LIMCH1: variants seen among roughly 807,000 people sequenced by gnomAD.
The protein encoded by LIMCH1 is LIM and calponin homology domains 1.
A neutral mutation model predicts 176.5 loss-of-function variants in LIMCH1; 113 were observed. That is an observed-to-expected ratio of 0.64 (90% CI 0.55 to 0.75). The LOEUF (loss-of-function observed/expected upper bound fraction) is 0.75. LIMCH1 is among the 30% of genes least tolerant of loss of function. LIMCH1 has a pLI of 0.00. For synonymous variants in LIMCH1, 619 were observed against 645.9 expected, an observed-to-expected ratio of 0.96 and a Z score of 0.63; for missense variants, 1,674 against 1,814.9, an observed-to-expected ratio of 0.92 and a Z score of 1.41.
intron 31 of LIMCH1, among the ~76,000 whole-genome samples, chr4:41,693,684 C>G (rs1728167249): frequency 6.6e-6 from 1 of 151,822 alleles, no homozygotes; most frequent in South Asian, 2.1e-4. Context: ...CTTTTATATG[C>G]TAACAAGGAA....
chr4:41,414,564 G>C (rs916766446), intron 1 of LIMCH1, among the ~76,000 whole-genome samples: 1 of 152,146 alleles, frequency 6.6e-6, no homozygotes, highest in Non-Finnish European at 1.5e-5. Context: ...CCGGGCGATT[G>C]ACATTTTTGT....
In LIMCH1 at chr4:41,477,910, A is replaced by G. The variant is rs956616604; in HGVS notation, c.97-16626A>G. Reference sequence around the variant, plus strand: ...TATACCATGAAGTAGGCATGTGGGGATCACAGCTACCACCTTAATGGTGGA... The same window carrying G: ...TATACCATGAAGTAGGCATGTGGGGGTCACAGCTACCACCTTAATGGTGGA... On this transcript the variant is annotated intron_variant, in intron 1 of 26. Coordinates refer to the LIMCH1 transcript ENST00000313860. Among the ~76,000 whole-genome samples, 3 of 152,228 alleles carry G rather than the reference A, an allele frequency of 2.0e-5. No individual in the cohort carries two copies. The East Asian group carries it at 5.8e-4, about 29-fold the overall frequency.
At chr4:41,687,785 G>T in intron 28 of LIMCH1, 55 bp from the exon 29 acceptor site, 4 of 1,040,236 alleles carry the variant, frequency 3.8e-6, no homozygotes, top group South Asian at 1.5e-5. Context: ...TTTTTTTAAT[G>T]GAGTTTGGCT....
At chr4:41,411,118 C>T (rs150698049) in intron 1 of LIMCH1, among the ~76,000 whole-genome samples, 50 of 152,340 alleles carry the variant, frequency 3.3e-4, no homozygotes, top group Admixed American at 9.1e-4. Flanking sequence ...TGTGTATTTT[C>T]ACCTAGAATG....
chr4:41,418,760 ACT>A (rs2060166479), intron 1 of LIMCH1: 1 of 151,920 alleles, frequency 6.6e-6, no homozygotes, highest in Non-Finnish European at 1.5e-5. Context: ...TGACCATGAA[ACT>A]CTGTTAACTC....
intron 4 of LIMCH1, chr4:41,612,547 C>T (rs1428197333): frequency 1.4e-6 from 1 of 702,522 alleles, no homozygotes; most frequent in Non-Finnish European, 2.6e-6. Context: ...TCAGCCTGGA[C>T]TATTGTAATT....
intron 1 of LIMCH1, among the ~76,000 whole-genome samples, chr4:41,432,488 A>G (rs762988913): frequency 1.3e-5 from 2 of 152,196 alleles, no homozygotes; most frequent in East Asian, 3.8e-4. Context: ...AGAAGCTAGA[A>G]AAACAAATAG....
At chr4:41,491,963 C>T (rs1296562883) in intron 1 of LIMCH1, among the ~76,000 whole-genome samples, 12 of 152,062 alleles carry the variant, frequency 7.9e-5, no homozygotes, top group East Asian at 3.9e-4. Context: ...AGACGATGGG[C>T]GGCCAGGCAG....
chr4:41,592,515 A>G (rs1377878833), intron 1 of LIMCH1, among the ~76,000 whole-genome samples: 1 of 152,046 alleles, frequency 6.6e-6, no homozygotes, highest in African/African-American at 2.4e-5. Flanking sequence ...ATACCTACAC[A>G]GTGTGCCTGT....
upstream of LIMCH1, among the ~76,000 whole-genome samples, chr4:41,359,974 T>C (rs2051788563): frequency 6.6e-6 from 1 of 151,978 alleles, no homozygotes; most frequent in South Asian, 2.1e-4. Flanking sequence ...ACAATGTAGA[T>C]ACCTCGAGGG....
chr4:41,547,141 G>A lies in LIMCH1; in HGVS notation c.-241+8791G>A, dbSNP rs1381321634. Among the ~76,000 whole-genome samples, 3 of 152,150 alleles carry A rather than the reference G, an allele frequency of 2.0e-5. No homozygotes were observed. The East Asian group carries it at 5.8e-4, about 29-fold the overall frequency. On this transcript the variant is annotated intron_variant, in intron 1 of 31. Transcript: ENST00000503057. ...CAGGCTAATTAACTGTCAGCTTGCT[G>A]ACTTATTTCTTTGTGGTGAGAACAT...
rs370816448 is a variant in LIMCH1 at position 41,501,616 on chromosome 4, G to A, written c.167+7010G>A. On this transcript the variant is annotated intron_variant, in intron 2 of 26. Transcript: ENST00000313860. ...TATGAAATATTTCAGTTTTTTTGGT[G>A]GGGTCATTCTAGAGAAGGGACAGGC... Among the ~76,000 whole-genome samples, 44 of 152,044 alleles carry A rather than the reference G, an allele frequency of 2.9e-4. No individual in the cohort carries two copies. The East Asian group carries it at 6.0e-3, about 21-fold the overall frequency.
chr4:41,362,703 G>A lies in LIMCH1; in HGVS notation c.96+1767G>A, dbSNP rs776125260. 4.6e-5 allele frequency among the ~76,000 whole-genome samples: 7 copies of A among 152,188 alleles called. No individual in the cohort carries two copies. In the South Asian group the frequency reaches 6.2e-4, roughly 14 times the overall value. The stretch of plus-strand genomic sequence containing the variant: ...TACACCTCCATGAATTTTGACATAT[G>A]TATATTACTATAGCCCCCACCTAAA... On this transcript the variant is annotated intron_variant, in intron 1 of 26. Transcript: ENST00000313860.
chr4:41,631,476 A>T lies in LIMCH1; in HGVS notation c.1600A>T (p.Arg534Ter), dbSNP rs1255338957. The change falls in exon 10 of 32, where the codon AGA (arginine) becomes TGA (stop). Residue 534 changes from arginine to a stop codon, truncating the protein, a stop_gained and splice_region_variant. Coordinates refer to ENST00000503057, the MANE Select transcript of LIMCH1 (RefSeq NM_001330672.2). LOFTEE classifies it high-confidence loss of function. ...HQIFNRQNDC[R>*]TMNCGRGDYC... ...AATATTTAATCGACAAAATGACTGC[A>T]GGTATTTTTTGCCATACGTGTGCAA... 1 of 1,506,114 alleles carries T rather than the reference A, an allele frequency of 6.6e-7. No homozygotes were observed. Among genetic ancestry groups the T allele is most frequent in the African/African-American group, 1.4e-5 (1 of 71,874 alleles). 93.3% of individuals were successfully genotyped at this position (1,506,114 alleles called of 1,614,324 possible). A position where few individuals can be genotyped will look rare whatever the true frequency, so the allele number is the denominator to read the frequency against.
intron 1 of LIMCH1, among the ~76,000 whole-genome samples, chr4:41,483,965 C>T (rs1221320294): frequency 6.6e-6 from 1 of 152,180 alleles, no homozygotes; most frequent in African/African-American, 2.4e-5. Context: ...GTTTTGAGCC[C>T]TTGGGCAAGT....
chr4:41,379,259 C>A (rs1480844759), intron 1 of LIMCH1, among the ~76,000 whole-genome samples: 1 of 152,144 alleles, frequency 6.6e-6, no homozygotes, highest in African/African-American at 2.4e-5. Context: ...CCTCATGTGC[C>A]TGTATGCAGG....
intron 22 of LIMCH1, among the ~76,000 whole-genome samples, chr4:41,673,865 C>T (rs1204679169): frequency 6.6e-6 from 1 of 152,200 alleles, no homozygotes; most frequent in Non-Finnish European, 1.5e-5. Context: ...CTGACTTCCT[C>T]TAGCACCTTT....
rs79816424 is a variant in LIMCH1 at position 41,573,527 on chromosome 4, T to C, written c.-240-25393T>C. ...TTCCCTGGACCTTGATCATGAGGAC[T>C]TCCGTATATTGTTAAGTATTCTTCG... On this transcript the variant is annotated intron_variant, in intron 1 of 31. Coordinates refer to ENST00000503057, the MANE Select transcript of LIMCH1 (RefSeq NM_001330672.2). Among the ~76,000 whole-genome samples the C allele has an allele frequency of 1.1e-4, 17 of 152,276 alleles. No homozygotes were observed. In the East Asian group the frequency reaches 3.3e-3, roughly 29 times the overall value.
rs191354259 is a variant in LIMCH1, at chr4:41,400,686, G to T, written c.96+39750G>T. Among the ~76,000 whole-genome samples the T allele has an allele frequency of 3.5e-4, 54 of 152,208 alleles. No homozygotes were observed. The East Asian group carries it at 9.4e-3, about 27-fold the overall frequency. Reference sequence around the variant, plus strand: ...AACATTACTTGATGTTTTCTAGATAGATCTTAAAATAGATATCGATATAAA... The same window carrying T: ...AACATTACTTGATGTTTTCTAGATATATCTTAAAATAGATATCGATATAAA... On this transcript the variant is annotated intron_variant, in intron 1 of 26. Coordinates refer to the LIMCH1 transcript ENST00000313860.
Sources: gnomAD v4.1 joint callset for allele counts (sites outside exome capture counted in the v4.1 genomes callset) on GRCh38, gnomAD v4.1.1 for gene constraint, MANE v1.5 for transcripts, NCBI Gene and HGNC (gene_info 2026-07-23, HGNC 2026-07-21) for gene names.